The following LDAF1 variants were observed in gnomAD, a reference collection of about 807,000 sequenced individuals.
LDAF1 encodes the protein PROMETHIN.
A neutral mutation model predicts 13.5 loss-of-function variants in LDAF1; 7 were observed. The ratio of observed to expected loss-of-function variants is 0.52; its 90% CI spans 0.29 to 0.97. LDAF1 has a LOEUF of 0.97. Among genes scored for constraint, LDAF1 ranks in the 50% least tolerant of loss-of-function variants. The pLI, the probability that LDAF1 is intolerant of heterozygous loss-of-function variation, is 0.07. For missense variants in LDAF1, 148 were observed against 193.2 expected (o/e 0.77, Z 1.39); for synonymous variants, 69 against 77.1 (o/e 0.89, Z 0.55).
chr16:21,175,267 C>T (rs556394013), intron 4 of LDAF1, among the ~76,000 whole-genome samples: 5 of 152,316 alleles, frequency 3.3e-5, no homozygotes, highest in African/African-American at 1.2e-4. Context: ...CTCTTAAACA[C>T]TTTCCAGGCC....
chr16:21,163,973 A>G (rs2152842900), intron 2 of LDAF1, among the ~76,000 whole-genome samples: 1 of 152,292 alleles, frequency 6.6e-6, no homozygotes, highest in Middle Eastern at 3.4e-3. Context: ...AAGTGCTGGG[A>G]TTATAGGCGT....
chr16:21,160,588 A>G (rs1186674002), intron 1 of LDAF1, among the ~76,000 whole-genome samples: 1 of 152,206 alleles, frequency 6.6e-6, no homozygotes, highest in Admixed American at 6.5e-5. Flanking sequence ...AGGCAATGAG[A>G]TTTGAAATAG....
At chr16:21,170,390 G>C in intron 2 of LDAF1, 47 bp from the exon 3 acceptor site, 1 of 1,607,522 alleles carries the variant, frequency 6.2e-7, no homozygotes, top group Non-Finnish European at 8.5e-7. Flanking sequence ...TTCAACCTGG[G>C]GTTCCGATGT....
intron 2 of LDAF1, among the ~76,000 whole-genome samples, chr16:21,167,883 G>A (rs1420382299): frequency 2.0e-5 from 3 of 149,688 alleles, no homozygotes; most frequent in Non-Finnish European, 4.5e-5. Flanking sequence ...GGGGGCGCCC[G>A]TAATCCCAGC....
chr16:21,168,436 T>C (rs1185988029), intron 2 of LDAF1, among the ~76,000 whole-genome samples: 1 of 151,564 alleles, frequency 6.6e-6, no homozygotes, highest in African/African-American at 2.4e-5. Flanking sequence ...TGATTAGCTT[T>C]TAATGCTTAC....
chr16:21,164,013 TA>T (rs753979288), intron 2 of LDAF1, among the ~76,000 whole-genome samples: 16 of 152,176 alleles, frequency 1.1e-4, no homozygotes, highest in Admixed American at 4.6e-4. Context: ...CCAGTGGTTG[TA>T]AATGGTCCTG....
intron 1 of LDAF1, chr16:21,160,882 T>A: frequency 2.3e-6 from 1 of 434,006 alleles, no homozygotes; most frequent in Non-Finnish European, 3.6e-6. Context: ...TTTAGTACAT[T>A]TTGAGATACC....
chr16:21,179,365 A>C (rs2093164345), intron 4 of LDAF1, 110 bp from the exon 5 acceptor site: 16 of 1,595,784 alleles, frequency 1.0e-5, no homozygotes, highest in East Asian at 2.2e-5. Context: ...TGGTTGCAAG[A>C]AGCAGCTAAA....
rs2005532 is a variant in LDAF1 at position 21,180,290 on chromosome 16, T to C, written c.*734T>C. ...TCTTGTTGCCCAGGCTGGAGTGCAA[T>C]GGTGCAGTCTCGGCTCACTGCAACC... On this transcript the variant is annotated 3_prime_UTR_variant, in exon 5 of 5. Coordinates refer to ENST00000233047, the MANE Select transcript of LDAF1 (RefSeq NM_001301771.2). The C allele has an allele frequency of 0.82, 120,700 of 146,624 alleles. 50,388 individuals carry two copies. The highest frequency in any genetic ancestry group is 1 in the East Asian group (4,983 of 4,994). The allele number at this position is 146,624 out of a possible 1,614,324, so 9.1% of individuals were successfully genotyped here.
chr16:21,160,305 T>A (rs770727513), intron 1 of LDAF1, among the ~76,000 whole-genome samples: 1 of 152,110 alleles, frequency 6.6e-6, no homozygotes, highest in Non-Finnish European at 1.5e-5. Context: ...AAAAAATATA[T>A]CTAATTTAAC....
chr16:21,173,864 A>G, intron 3 of LDAF1, 146 bp from the exon 4 acceptor site: 1 of 851,794 alleles, frequency 1.2e-6, no homozygotes, highest in Non-Finnish European at 1.7e-6. Context: ...TTTTTAAGTG[A>G]TGCTAGAAAT....
rs550680674 is a variant in LDAF1, at chr16:21,179,712, T to A, written c.*156T>A. 4.1e-5 allele frequency: 25 copies of A among 613,524 alleles called. No homozygotes were observed. The highest frequency in any genetic ancestry group is 3.9e-4 in the African/African-American group (21 of 53,748). 38.0% of individuals were successfully genotyped at this position (613,524 alleles called of 1,614,324 possible). On this transcript the variant is annotated 3_prime_UTR_variant, in exon 5 of 5. Coordinates refer to ENST00000233047, the MANE Select transcript of LDAF1 (RefSeq NM_001301771.2). ...CTTGTAGGATCCCGCAGCAGCCAAT[T>A]TAGGGATTGTGTTGTTCTTGTGTTG...
chr16:21,160,047 T>C, intron 1 of LDAF1: 1 of 861,242 alleles, frequency 1.2e-6, no homozygotes, highest in Non-Finnish European at 1.4e-6. Flanking sequence ...ATGATTAAAA[T>C]GTGCTTTAAT....
intron 2 of LDAF1, 195 bp from the exon 3 acceptor site, chr16:21,170,242 A>G (rs1427679915): frequency 2.1e-6 from 2 of 936,928 alleles, no homozygotes; most frequent in Non-Finnish European, 2.5e-6. Flanking sequence ...ACCTCAGGTG[A>G]TCCGCTCGCC....
intron 4 of LDAF1, among the ~76,000 whole-genome samples, chr16:21,177,824 G>C (rs141395237): frequency 0.041 from 6,214 of 151,736 alleles, 193 homozygotes; most frequent in East Asian, 0.17. Context: ...CACCATGTTG[G>C]CCAGGCTGGT....
At chr16:21,171,290 A>G (rs753490715) in intron 3 of LDAF1, among the ~76,000 whole-genome samples, 3 of 152,050 alleles carry the variant, frequency 2.0e-5, no homozygotes, top group Non-Finnish European at 4.4e-5. Flanking sequence ...CAGATCACAC[A>G]CCCCAGGCAA....
rs753558880 is a variant in LDAF1 at position 21,161,312 on chromosome 16, C to T, written c.96+34C>T. ...CCAATCACTATGTATAATGGAAAAT[C>T]CCAATATAACACTAGCATAAACAAG... is the stretch of plus-strand genomic sequence containing the variant. On this transcript the variant is annotated intron_variant, in intron 2 of 4. Coordinates refer to ENST00000233047, the MANE Select transcript of LDAF1 (RefSeq NM_001301771.2). 1.2e-5 allele frequency: 20 copies of T among 1,602,936 alleles called. No homozygotes were observed. The South Asian group carries it at 1.9e-4, about 15-fold the overall frequency.
At position 21,161,278 on chromosome 16, in the gene LDAF1, GGTCA is replaced by G. The variant is rs1310419550; in HGVS notation, c.96+3_96+6del. The G allele has an allele frequency of 1.2e-6, 2 of 1,613,872 alleles. No homozygotes were observed. Among genetic ancestry groups the G allele is most frequent in the Admixed American group, 3.3e-5 (2 of 59,970 alleles). ...TAGACTCCTTCCAGAATAACTCAAA[GGTCA>G]GTTTCCAATCACTATGTATAATGGA... On this transcript the variant is annotated splice_donor_variant and splice_donor_region_variant and intron_variant, in intron 2 of 4. Transcript: ENST00000233047. LOFTEE classifies it high-confidence loss of function.
chr16:21,173,574 C>T (rs962336551), intron 3 of LDAF1, among the ~76,000 whole-genome samples: 5 of 152,070 alleles, frequency 3.3e-5, no homozygotes, highest in South Asian at 2.1e-4. Context: ...ATTAGCTGGG[C>T]GTAGTGGCAG....
Sources: gnomAD v4.1 joint callset for allele counts (sites outside exome capture counted in the v4.1 genomes callset) on GRCh38, gnomAD v4.1.1 for gene constraint, MANE v1.5 for transcripts, NCBI Gene and HGNC (gene_info 2026-07-23, HGNC 2026-07-21) for gene names.